UNC5D: variants seen among roughly 807,000 people sequenced by gnomAD.
The protein encoded by UNC5D is unc-5 netrin receptor D.
Under a neutral mutation model 105.4 loss-of-function variants are expected in UNC5D, and 39 were observed. The observed-to-expected ratio is 0.37, with a 90% CI of 0.29 to 0.48. The LOEUF (loss-of-function observed/expected upper bound fraction) is 0.48. Among genes scored for constraint, UNC5D ranks in the 20% least tolerant of loss-of-function variants. The pLI is 0.98. For missense variants in UNC5D, 991 were observed against 1,202.4 expected (o/e 0.82, Z 2.60); for synonymous variants, 452 against 450.4 (o/e 1.00, Z -0.04).
intron 4 of UNC5D, among the ~76,000 whole-genome samples, chr8:35,597,685 C>G (rs1819574347): frequency 6.6e-6 from 1 of 152,218 alleles, no homozygotes; most frequent in South Asian, 2.1e-4. Flanking sequence ...TTCGCATACT[C>G]TAGGTCTCTA....
chr8:35,551,519 G>A (rs1261731246), intron 2 of UNC5D, among the ~76,000 whole-genome samples: 1 of 152,104 alleles, frequency 6.6e-6, no homozygotes, highest in Non-Finnish European at 1.5e-5. Context: ...TCAGCCTCCA[G>A]CAAAGAAGTA....
chr8:35,411,587 A>C (rs536600253), intron 1 of UNC5D, among the ~76,000 whole-genome samples: 1 of 152,084 alleles, frequency 6.6e-6, no homozygotes, highest in Non-Finnish European at 1.5e-5. Context: ...TCTCATTTAG[A>C]TCTCAGCTTG....
At chr8:35,676,266 A>G (rs550062073) in intron 4 of UNC5D, among the ~76,000 whole-genome samples, 1 of 152,354 alleles carries the variant, frequency 6.6e-6, no homozygotes, top group South Asian at 2.1e-4. Context: ...ACACTATGCT[A>G]ATGAATGCTG....
At chr8:35,255,374 A>G (rs941389152) in intron 1 of UNC5D, 1 of 152,214 alleles carries the variant, frequency 6.6e-6, no homozygotes, top group Non-Finnish European at 1.5e-5. Flanking sequence ...CAAGCTCTTC[A>G]GAAAAGTTAT....
At chr8:35,424,946 G>A (rs1253886552) in intron 1 of UNC5D, among the ~76,000 whole-genome samples, 3 of 152,118 alleles carry the variant, frequency 2.0e-5, no homozygotes, top group South Asian at 2.1e-4. Context: ...ATAGTGATGG[G>A]GATGTTTGTT....
intron 1 of UNC5D, among the ~76,000 whole-genome samples, chr8:35,381,067 A>ATG (rs537829138): frequency 0.016 from 2,457 of 150,680 alleles, 67 homozygotes; most frequent in African/African-American, 0.056. Context: ...AAGTGAGTGA[A>ATG]TGTGTGTGTG....
intron 1 of UNC5D, among the ~76,000 whole-genome samples, chr8:35,507,657 G>T (rs1270051864): frequency 1.3e-5 from 2 of 151,904 alleles, no homozygotes; most frequent in Non-Finnish European, 2.9e-5. Flanking sequence ...TGGTTAATGG[G>T]TAAAAAAAAT....
intron 2 of UNC5D, among the ~76,000 whole-genome samples, chr8:35,561,428 G>T (rs1477928096): frequency 1.3e-5 from 2 of 152,138 alleles, no homozygotes; most frequent in Non-Finnish European, 2.9e-5. Flanking sequence ...TATGTGGCTT[G>T]CTGTGACTCC....
chr8:35,746,775 A>C (rs924498624), intron 11 of UNC5D, among the ~76,000 whole-genome samples: 6 of 152,216 alleles, frequency 3.9e-5, no homozygotes, highest in Admixed American at 2.6e-4. Flanking sequence ...TAGTTCTTTT[A>C]GGAGAGCTTG....
At chr8:35,603,266 G>A (rs567414183) in intron 4 of UNC5D, among the ~76,000 whole-genome samples, 2 of 152,182 alleles carry the variant, frequency 1.3e-5, no homozygotes, top group Admixed American at 1.3e-4. Context: ...CGGTTTCAAA[G>A]AACATCTTTA....
chr8:35,249,139 A>G (rs906311978), intron 1 of UNC5D, among the ~76,000 whole-genome samples: 6 of 135,628 alleles, frequency 4.4e-5, no homozygotes, highest in Admixed American at 8.5e-5. Flanking sequence ...ATATATAATT[A>G]TATATAAAAT....
intron 1 of UNC5D, among the ~76,000 whole-genome samples, chr8:35,285,014 C>A (rs955525569): frequency 3.9e-5 from 6 of 152,226 alleles, no homozygotes; most frequent in East Asian, 3.9e-4. Flanking sequence ...TAGACTCATT[C>A]TAGTTGGCTT....
At chr8:35,429,483 A>G (rs148031089) in intron 1 of UNC5D, among the ~76,000 whole-genome samples, 30 of 152,240 alleles carry the variant, frequency 2.0e-4, no homozygotes, top group Non-Finnish European at 3.1e-4. Context: ...GATTTTAGAT[A>G]CTGATGTCAG....
chr8:35,465,887 C>T (rs1239769625), intron 1 of UNC5D, among the ~76,000 whole-genome samples: 1 of 152,026 alleles, frequency 6.6e-6, no homozygotes, highest in African/African-American at 2.4e-5. Flanking sequence ...AGAACTCCAT[C>T]CACCATTGCT....
chr8:35,411,191 C>T (rs1431084126), intron 1 of UNC5D, among the ~76,000 whole-genome samples: 2 of 151,986 alleles, frequency 1.3e-5, no homozygotes, highest in Non-Finnish European at 2.9e-5. Flanking sequence ...CCATGAGCAC[C>T]ATGGAGGTGC....
At chr8:35,622,169 C>T (rs1183994586) in intron 4 of UNC5D, among the ~76,000 whole-genome samples, 1 of 152,040 alleles carries the variant, frequency 6.6e-6, no homozygotes, top group African/African-American at 2.4e-5. Context: ...TGGTGAAACC[C>T]CATCTCTACT....
In UNC5D at chr8:35,582,681, T is replaced by C. The variant is rs796352446; in HGVS notation, c.467-12873T>C. Among the ~76,000 whole-genome samples, 3 of 152,386 alleles carry C rather than the reference T, an allele frequency of 2.0e-5. 1 individual carries two copies. The highest frequency in any genetic ancestry group is 7.2e-5 in the African/African-American group (3 of 41,594). ...ACTAATAATGTGATTAAATTGTTTT[T>C]TCTTGCTGCTGGGTTGGCTTTTCTT... On this transcript the variant is annotated intron_variant, in intron 3 of 16. Transcript: ENST00000404895.
chr8:35,352,577 G>A (rs550447431), intron 1 of UNC5D, among the ~76,000 whole-genome samples: 2 of 152,146 alleles, frequency 1.3e-5, no homozygotes, highest in Admixed American at 1.3e-4. Flanking sequence ...TCTTTGTTCT[G>A]TAAAGATTTT....
intron 1 of UNC5D, among the ~76,000 whole-genome samples, chr8:35,259,211 A>G (rs1804279311): frequency 6.6e-6 from 1 of 152,182 alleles, no homozygotes; most frequent in African/African-American, 2.4e-5. Context: ...TATTAAAGAA[A>G]AGGCTGTGGA....
Sources: allele counts gnomAD v4.1 joint callset (sites outside exome capture counted in the v4.1 genomes callset), GRCh38; gene constraint gnomAD v4.1.1; transcripts MANE v1.5; gene names NCBI Gene and HGNC (gene_info 2026-07-23, HGNC 2026-07-21).